FGF14: variants seen among roughly 807,000 people sequenced by gnomAD.
The protein encoded by FGF14 is fibroblast growth factor 14.
In FGF14, 5 loss-of-function variants were observed where a neutral mutation model predicts 25.5. That is an observed-to-expected ratio of 0.20 (90% confidence interval 0.10 to 0.41). The LOEUF (loss-of-function observed/expected upper bound fraction) is 0.41, where lower values mean the gene tolerates loss of function less well. Ranked by LOEUF, FGF14 falls within the 10% of genes least tolerant of loss-of-function variation. The probability of loss-of-function intolerance (pLI) is 1.00; values close to 1 mark genes in which losing one functional copy is unlikely to be tolerated. For missense variants in FGF14, 222 were observed against 320.1 expected (o/e 0.69, Z 2.34); for synonymous variants, 138 against 118.3 (o/e 1.17, Z -1.08).
intron 1 of FGF14, among the ~76,000 whole-genome samples, chr13:102,111,572 C>T (rs1036570967): frequency 7.2e-5 from 11 of 151,910 alleles, no homozygotes; most frequent in Non-Finnish European, 1.6e-4. Context: ...AAAAATTAGC[C>T]GGGTGTAGTG....
At chr13:102,208,382 T>C (rs1013932706) in intron 1 of FGF14, among the ~76,000 whole-genome samples, 4 of 152,204 alleles carry the variant, frequency 2.6e-5, no homozygotes, top group Non-Finnish European at 5.9e-5. Flanking sequence ...GGAGTCAAAG[T>C]ACACAGCATC....
At chr13:101,775,627 G>A (rs1169676943) in intron 3 of FGF14, among the ~76,000 whole-genome samples, 1 of 152,248 alleles carries the variant, frequency 6.6e-6, no homozygotes, top group South Asian at 2.1e-4. Context: ...CCCTGTCCCT[G>A]TGCAGGTTAG....
intron 1 of FGF14, among the ~76,000 whole-genome samples, chr13:101,946,894 A>G (rs931040850): frequency 6.6e-6 from 1 of 152,192 alleles, no homozygotes; most frequent in Admixed American, 6.5e-5. Flanking sequence ...AATAGTTTTT[A>G]TAATATTGAA....
intron 3 of FGF14, among the ~76,000 whole-genome samples, chr13:101,727,106 GA>G (rs1245211263): frequency 6.6e-6 from 1 of 152,098 alleles, no homozygotes; most frequent in African/African-American, 2.4e-5. Context: ...AGTATAATCA[GA>G]AAGGGAGCAT....
exon 1 of FGF14, chr13:102,401,569 G>A: frequency 6.2e-7 from 1 of 1,614,132 alleles, no homozygotes; most frequent in South Asian, 1.1e-5. Flanking sequence ...CATTGATTTG[G>A]GCGAAAAGCA....
intron 1 of FGF14, among the ~76,000 whole-genome samples, chr13:102,397,315 C>T (rs1489108261): frequency 4.6e-5 from 7 of 152,140 alleles, no homozygotes; most frequent in Non-Finnish European, 1.5e-5. Context: ...AAAAGCAGAG[C>T]TGAAAGGCAG....
chr13:102,004,088 T>C (rs376463718), intron 1 of FGF14, among the ~76,000 whole-genome samples: 14 of 152,148 alleles, frequency 9.2e-5, no homozygotes, highest in African/African-American at 3.4e-4. Flanking sequence ...GGAGCTTGTA[T>C]CCCATGCTTC....
Position 101,745,084 on chromosome 13 carries a change from G to C in FGF14, c.409-18274C>G, listed in dbSNP as rs183752879. ...TATTTGGGAGAAAATTAATATGTAA[G>C]AACTTAAATAATAAGAATGTAACTA... On this transcript the variant is annotated intron_variant, in intron 3 of 4. Transcript: ENST00000376143. 4.9e-3 allele frequency among the ~76,000 whole-genome samples: 753 copies of C among 152,130 alleles called. 10 individuals carry two copies. The highest frequency in any genetic ancestry group is 0.018 in the Admixed American group (281 of 15,254).
chr13:101,903,034 T>A (rs952615151), intron 1 of FGF14, among the ~76,000 whole-genome samples: 3 of 152,196 alleles, frequency 2.0e-5, no homozygotes, highest in African/African-American at 7.2e-5. Context: ...CTAGATCAGC[T>A]TGCCAGTTTT....
intron 3 of FGF14, among the ~76,000 whole-genome samples, chr13:101,751,847 G>C (rs1348451995): frequency 6.6e-6 from 1 of 151,622 alleles, no homozygotes; most frequent in Non-Finnish European, 1.5e-5. Flanking sequence ...TAGCATTCAT[G>C]GGATTCCCTA....
At chr13:101,850,132 AT>A (rs2043675360) in intron 3 of FGF14, among the ~76,000 whole-genome samples, 3 of 151,570 alleles carry the variant, frequency 2.0e-5, no homozygotes, top group Admixed American at 2.0e-4. Flanking sequence ...ACTCAAGTGG[AT>A]ATAATATTTA....
chr13:101,802,446 G>GA (rs1402900880), intron 3 of FGF14: 347 of 190,054 alleles, frequency 1.8e-3, no homozygotes, highest in South Asian at 4.2e-3. Flanking sequence ...GGAGGAGGAT[G>GA]AAAAAAAAAC....
chr13:102,199,905 C>T (rs757845913), intron 1 of FGF14, among the ~76,000 whole-genome samples: 3 of 152,206 alleles, frequency 2.0e-5, no homozygotes, highest in Non-Finnish European at 4.4e-5. Flanking sequence ...CTTTCCACAG[C>T]ACTTACTAGG....
At chr13:102,041,108 T>C (rs1358754952) in intron 1 of FGF14, among the ~76,000 whole-genome samples, 2 of 152,072 alleles carry the variant, frequency 1.3e-5, no homozygotes, top group African/African-American at 2.4e-5. Context: ...CAAACAAATA[T>C]TGTATGTTGT....
chr13:101,861,945 T>C lies in FGF14; in HGVS notation c.408+6780A>G, dbSNP rs531571947. The stretch of plus-strand genomic sequence containing the variant: ...TTAACTATGATCATAGCGGTTTTCT[T>C]GTTTGTTTGTTCTTTGTTTTGCCTG... On this transcript the variant is annotated intron_variant, in intron 3 of 4. Transcript: ENST00000376143. Among the ~76,000 whole-genome samples, 25 of 152,238 alleles carry C rather than the reference T, an allele frequency of 1.6e-4. No homozygotes were observed. The South Asian group carries it at 5.2e-3, about 32-fold the overall frequency.
chr13:102,297,601 T>C (rs530906870), intron 1 of FGF14, among the ~76,000 whole-genome samples: 3 of 151,720 alleles, frequency 2.0e-5, no homozygotes, highest in African/African-American at 7.3e-5. Context: ...TTATTACAAA[T>C]AAAAAAGGGC....
chr13:102,388,031 A>C (rs2058346399), intron 1 of FGF14, among the ~76,000 whole-genome samples: 1 of 152,102 alleles, frequency 6.6e-6, no homozygotes. Context: ...CCCAGGCCAT[A>C]GGTAGTTTTT....
chr13:102,175,502 A>G (rs186460003), intron 1 of FGF14, among the ~76,000 whole-genome samples: 67 of 152,202 alleles, frequency 4.4e-4, no homozygotes, highest in Non-Finnish European at 7.5e-4. Flanking sequence ...AACCTAGGAA[A>G]AACTCTTGGC....
intron 1 of FGF14, among the ~76,000 whole-genome samples, chr13:102,180,545 T>A (rs2048629940): frequency 6.6e-6 from 1 of 152,106 alleles, no homozygotes; most frequent in Non-Finnish European, 1.5e-5. Context: ...ACTCCTGACC[T>A]CCAGTGATCC....
Sources: gnomAD v4.1 joint callset for allele counts (sites outside exome capture counted in the v4.1 genomes callset) on GRCh38, gnomAD v4.1.1 for gene constraint, MANE v1.5 for transcripts, NCBI Gene and HGNC (gene_info 2026-07-23, HGNC 2026-07-21) for gene names.